Variants in SLC2A13 observed in about 807,000 individuals in gnomAD.
The protein encoded by SLC2A13 is solute carrier family 2 member 13.
Under a neutral mutation model 64.4 loss-of-function variants are expected in SLC2A13, and 32 were observed. The observed-to-expected ratio is 0.50, with a 90% CI of 0.37 to 0.67. The LOEUF (loss-of-function observed/expected upper bound fraction) is 0.67, where lower values mean the gene tolerates loss of function less well. SLC2A13 is among the 30% of genes least tolerant of loss of function. SLC2A13 has a pLI of 0.00. For missense variants in SLC2A13, 743 were observed against 829.2 expected, an observed-to-expected ratio of 0.90 and a Z score of 1.28; for synonymous variants, 338 against 327.1, an observed-to-expected ratio of 1.03 and a Z score of -0.36.
At chr12:40,060,826 G>A (rs981354215) in intron 1 of SLC2A13, among the ~76,000 whole-genome samples, 1 of 152,048 alleles carries the variant, frequency 6.6e-6, no homozygotes, top group Non-Finnish European at 1.5e-5. Context: ...GAAATCAAGA[G>A]CATAGAAAAT....
At chr12:39,864,397 T>C (rs4429129) in intron 6 of SLC2A13, among the ~76,000 whole-genome samples, 98,233 of 152,100 alleles carry the variant, frequency 0.65, 31,926 homozygotes, top group East Asian at 0.77. Context: ...AAAGTTTGAT[T>C]ACTGATTAAA....
intron 7 of SLC2A13, among the ~76,000 whole-genome samples, chr12:39,786,356 G>A (rs1159821489): frequency 1.2e-4 from 2 of 16,822 alleles, no homozygotes; most frequent in Non-Finnish European, 2.6e-4. Context: ...CATGTAAGAA[G>A]TGTCTTTCAT....
At chr12:40,065,144 T>A (rs916162475) in intron 1 of SLC2A13, among the ~76,000 whole-genome samples, 1 of 152,074 alleles carries the variant, frequency 6.6e-6, no homozygotes, top group East Asian at 1.9e-4. Flanking sequence ...TGAAGGTAAC[T>A]CCAGTCCACA....
At chr12:39,887,159 CA>C (rs900864264) in intron 4 of SLC2A13, among the ~76,000 whole-genome samples, 17 of 151,152 alleles carry the variant, frequency 1.1e-4, no homozygotes, top group Middle Eastern at 6.8e-3. Context: ...AATTTTTTTG[CA>C]AAAAAAAGTA....
At chr12:39,838,755 T>C (rs1188695942) in intron 6 of SLC2A13, among the ~76,000 whole-genome samples, 2 of 152,016 alleles carry the variant, frequency 1.3e-5, no homozygotes, top group Non-Finnish European at 2.9e-5. Context: ...GCTCAGAAAA[T>C]CTTTTAAAAA....
chr12:39,814,598 A>G (rs1566821951), intron 7 of SLC2A13, among the ~76,000 whole-genome samples: 2 of 152,206 alleles, frequency 1.3e-5, no homozygotes, highest in African/African-American at 4.8e-5. Flanking sequence ...GGTAAAATAC[A>G]TACTTAAGAA....
rs888227520 is a variant in SLC2A13, at chr12:39,864,886, A to C, written c.1199-4T>G. On this transcript the variant is annotated splice_region_variant and splice_polypyrimidine_tract_variant and intron_variant, in intron 5 of 9. Coordinates refer to ENST00000280871, the MANE Select transcript of SLC2A13 (RefSeq NM_052885.4). ...ATAATGAGTGCTACGGTGGTACCTT[A>C]AAAAAAAAAAGTTTTATATTAGAGA... 6 of 946,290 alleles carry C rather than the reference A, an allele frequency of 6.3e-6. No individual in the cohort carries two copies. The highest frequency in any genetic ancestry group is 8.7e-6 in the Non-Finnish European group (6 of 691,644). The allele number at this position is 946,290 out of a possible 1,614,324, so 58.6% of individuals were successfully genotyped here.
intron 5 of SLC2A13, among the ~76,000 whole-genome samples, chr12:39,866,999 C>T (rs954973212): frequency 3.3e-5 from 5 of 152,042 alleles, no homozygotes; most frequent in Non-Finnish European, 5.9e-5. Flanking sequence ...AAATTCAAAC[C>T]AGAACTAGGA....
At chr12:40,031,167 T>G (rs1947896836) in intron 2 of SLC2A13, among the ~76,000 whole-genome samples, 1 of 152,198 alleles carries the variant, frequency 6.6e-6, no homozygotes, top group Non-Finnish European at 1.5e-5. Context: ...TGGGTGTCAC[T>G]TCAGCTCCGG....
chr12:39,781,608 A>G (rs1940987251), intron 7 of SLC2A13, among the ~76,000 whole-genome samples: 1 of 152,268 alleles, frequency 6.6e-6, no homozygotes, highest in Non-Finnish European at 1.5e-5. Flanking sequence ...GAGAGAATGA[A>G]TAAGTCATTC....
intron 4 of SLC2A13, 43 bp downstream of exon 4, chr12:39,951,214 C>A (rs750786849): frequency 6.6e-7 from 1 of 1,521,518 alleles, no homozygotes; most frequent in South Asian, 1.2e-5. Flanking sequence ...TAAAATAATC[C>A]TTTCACAATC....
intron 4 of SLC2A13, among the ~76,000 whole-genome samples, chr12:39,887,141 A>C (rs903245846): frequency 1.3e-5 from 2 of 152,216 alleles, no homozygotes; most frequent in Admixed American, 1.3e-4. Context: ...TTCATATTTA[A>C]CACTTTAAAT....
chr12:39,888,672 C>T (rs76148060), intron 4 of SLC2A13, among the ~76,000 whole-genome samples: 5,201 of 152,292 alleles, frequency 0.034, 114 homozygotes, highest in Non-Finnish European at 0.051. Context: ...TTTTTGTGAA[C>T]ATTGTTTGCT....
At chr12:39,929,417 G>A (rs377182115) in intron 4 of SLC2A13, among the ~76,000 whole-genome samples, 8 of 151,984 alleles carry the variant, frequency 5.3e-5, no homozygotes, top group African/African-American at 1.9e-4. Context: ...CAGGTGTGGT[G>A]GTGGGAACCT....
chr12:40,008,605 C>T (rs1196694959), intron 3 of SLC2A13, among the ~76,000 whole-genome samples: 1 of 147,834 alleles, frequency 6.8e-6, no homozygotes, highest in Admixed American at 6.7e-5. Context: ...AGCGAGACTG[C>T]GTCACTCCAA....
intron 1 of SLC2A13, among the ~76,000 whole-genome samples, chr12:40,088,652 T>C (rs1004010259): frequency 1.3e-5 from 2 of 152,140 alleles, no homozygotes; most frequent in African/African-American, 4.8e-5. Flanking sequence ...ATAAACATGG[T>C]AAGACTTTCT....
chr12:39,963,098 A>G (rs1380508639), intron 3 of SLC2A13, among the ~76,000 whole-genome samples: 1 of 152,084 alleles, frequency 6.6e-6, no homozygotes, highest in Non-Finnish European at 1.5e-5. Flanking sequence ...CATCCTGGCT[A>G]ACACGGTGAA....
At chr12:39,823,390 T>C (rs868049704) in intron 7 of SLC2A13, among the ~76,000 whole-genome samples, 3 of 152,256 alleles carry the variant, frequency 2.0e-5, no homozygotes, top group Non-Finnish European at 2.9e-5. Context: ...GGTTTGTCAA[T>C]GATAAAATAA....
intron 5 of SLC2A13, among the ~76,000 whole-genome samples, chr12:39,868,058 A>C (rs566607930): frequency 3.3e-5 from 5 of 152,360 alleles, no homozygotes; most frequent in African/African-American, 1.2e-4. Context: ...ATATTTAGTT[A>C]GTTACAGATG....
Sources: allele counts gnomAD v4.1 joint callset (sites outside exome capture counted in the v4.1 genomes callset), GRCh38; gene constraint gnomAD v4.1.1; transcripts MANE v1.5; gene names NCBI Gene and HGNC (gene_info 2026-07-23, HGNC 2026-07-21).